The following EYA1 variants were observed in gnomAD, a reference collection of about 807,000 sequenced individuals.
EYA1 encodes EYA transcriptional coactivator and phosphatase 1, also known as protein phosphatase EYA1.
In EYA1, 16 loss-of-function variants were observed where a neutral mutation model predicts 82.0. That is an observed-to-expected ratio of 0.20 (90% CI 0.13 to 0.30). The LOEUF is 0.30. Ranked by LOEUF, EYA1 falls within the 10% of genes least tolerant of loss-of-function variation. EYA1 has a pLI of 1.00. For missense variants in EYA1, 633 were observed against 730.7 expected (o/e 0.87, Z 1.54); for synonymous variants, 261 against 264.4 (o/e 0.99, Z 0.12).
At chr8:71,492,672 A>G (rs1811107425) in intron 2 of EYA1, among the ~76,000 whole-genome samples, 1 of 152,000 alleles carries the variant, frequency 6.6e-6, no homozygotes, top group African/African-American at 2.4e-5. Flanking sequence ...TCACTGTGTT[A>G]GCCAGGATGG....
intron 12 of EYA1, among the ~76,000 whole-genome samples, chr8:71,229,908 T>G (rs1432072982): frequency 6.6e-6 from 1 of 152,182 alleles, no homozygotes; most frequent in Non-Finnish European, 1.5e-5. Context: ...TAAAATAATG[T>G]TGATCAAAAG....
chr8:71,442,872 T>C (rs1157546424), intron 2 of EYA1, among the ~76,000 whole-genome samples: 1 of 152,228 alleles, frequency 6.6e-6, no homozygotes, highest in Non-Finnish European at 1.5e-5. Flanking sequence ...TTATCTCTGA[T>C]ATACTTTTCT....
chr8:71,215,805 A>G, intron 14 of EYA1, 77 bp from the exon 15 acceptor site: 4 of 931,534 alleles, frequency 4.3e-6, no homozygotes, highest in Non-Finnish European at 6.9e-6. Context: ...TTAACATTTA[A>G]AAAGTACTAT....
rs9298167 is a variant in EYA1 at position 71,277,115 on chromosome 8, ATTTTTTTTTTTTTTTT to A, written c.827-5234_827-5219del. On this transcript the variant is annotated intron_variant, in intron 9 of 17. Coordinates refer to ENST00000340726, the MANE Select transcript of EYA1 (RefSeq NM_000503.6). ...GCCATGCTATTTCATGGCTTCACAC[ATTTTTTTTTTTTTTTT>A]TTTTTTTTTTTTTTTTTAGTTTTTA... Among the ~76,000 whole-genome samples, 764 of 76,974 alleles carry A rather than the reference ATTTTTTTTTTTTTTTT, an allele frequency of 9.9e-3. 5 individuals carry two copies. Among genetic ancestry groups the A allele is most frequent in the Non-Finnish European group, 0.013 (553 of 43,452 alleles). The allele number at this position is 76,974 out of a possible 152,430, so 50.5% of individuals were successfully genotyped here.
At chr8:71,536,074 G>C (rs1205420880) in intron 1 of EYA1, among the ~76,000 whole-genome samples, 4 of 152,226 alleles carry the variant, frequency 2.6e-5, no homozygotes, top group Admixed American at 1.3e-4. Context: ...GCTGTCAGCA[G>C]CTGCAGCCCA....
At chr8:71,484,068 G>T (rs1489532157) in intron 2 of EYA1, among the ~76,000 whole-genome samples, 3 of 152,188 alleles carry the variant, frequency 2.0e-5, no homozygotes, top group Non-Finnish European at 2.9e-5. Context: ...GGAGCCAGGG[G>T]CTGGTTGACC....
chr8:71,409,705 C>T (rs1830473884), intron 2 of EYA1, among the ~76,000 whole-genome samples: 1 of 87,384 alleles, frequency 1.1e-5, no homozygotes, highest in African/African-American at 5.0e-5. Context: ...AGACCAATAA[C>T]AGGAGCTGAA....
chr8:71,262,466 G>C (rs554182035), intron 11 of EYA1, among the ~76,000 whole-genome samples: 1 of 152,224 alleles, frequency 6.6e-6, no homozygotes, highest in South Asian at 2.1e-4. Context: ...TGTTCATGAA[G>C]TACTTATGAG....
At chr8:71,461,407 C>T (rs372586501) in intron 2 of EYA1, among the ~76,000 whole-genome samples, 2 of 152,238 alleles carry the variant, frequency 1.3e-5, no homozygotes, top group East Asian at 1.9e-4. Context: ...CTCTGTGAGG[C>T]TGTGGCTGGA....
intron 8 of EYA1, 110 bp downstream of exon 8, chr8:71,299,528 A>G (rs1819964116): frequency 1.3e-6 from 1 of 781,052 alleles, no homozygotes; most frequent in Admixed American, 2.0e-5. Flanking sequence ...AAAGAAAACT[A>G]CTAAAAGCCT....
At chr8:71,325,423 T>C (rs1823041851) in intron 4 of EYA1, among the ~76,000 whole-genome samples, 3 of 152,224 alleles carry the variant, frequency 2.0e-5, no homozygotes. Flanking sequence ...CTCTGCTAAC[T>C]ATGGGCTTCT....
At chr8:71,493,200 T>C (rs1418030191) in intron 2 of EYA1, among the ~76,000 whole-genome samples, 14 of 152,240 alleles carry the variant, frequency 9.2e-5, no homozygotes, top group Admixed American at 9.2e-4. Flanking sequence ...GTCTTGGCTA[T>C]CATGAATAGT....
chr8:71,221,923 G>A (rs552306569), intron 12 of EYA1, among the ~76,000 whole-genome samples: 1 of 152,208 alleles, frequency 6.6e-6, no homozygotes, highest in Non-Finnish European at 1.5e-5. Flanking sequence ...CAGTTCCCAA[G>A]GGTAAGGGGG....
chr8:71,543,997 G>GT (rs1815356045), intron 1 of EYA1, among the ~76,000 whole-genome samples: 1 of 152,162 alleles, frequency 6.6e-6, no homozygotes, highest in Admixed American at 6.5e-5. Context: ...CTTGACCAGA[G>GT]TAAGGATTGC....
At chr8:71,412,488 T>C (rs930985957) in intron 2 of EYA1, among the ~76,000 whole-genome samples, 1 of 152,172 alleles carries the variant, frequency 6.6e-6, no homozygotes, top group African/African-American at 2.4e-5. Flanking sequence ...ACTGCATATG[T>C]TTAAGTGACC....
chr8:71,214,741 A>G (rs555945109), intron 16 of EYA1, among the ~76,000 whole-genome samples: 74 of 152,352 alleles, frequency 4.9e-4, no homozygotes, highest in African/African-American at 1.4e-3. Flanking sequence ...CATCTAGTAG[A>G]CAACTAAAAA....
intron 2 of EYA1, among the ~76,000 whole-genome samples, chr8:71,414,185 G>A (rs1259613408): frequency 6.6e-6 from 1 of 152,204 alleles, no homozygotes; most frequent in East Asian, 1.9e-4. Context: ...GTCCCAGAAA[G>A]GGTGTGACCT....
In EYA1 at chr8:71,361,738, G is replaced by C; in HGVS notation, c.-146C>G. On this transcript the variant is annotated 5_prime_UTR_variant, in exon 1 of 18. Coordinates refer to ENST00000340726, the MANE Select transcript of EYA1 (RefSeq NM_000503.6). ...CCATTCCTGACATAGTTTTGCTCCT[G>C]GATGGGTACGCGCGGGGGCTCTCAG... 5 of 985,496 alleles carry C rather than the reference G, an allele frequency of 5.1e-6. No homozygotes were observed. The highest frequency in any genetic ancestry group is 4.8e-6 in the Non-Finnish European group (4 of 829,988). The allele number at this position is 985,496 out of a possible 1,614,324, so 61.0% of individuals were successfully genotyped here. A position where few individuals can be genotyped will look rare whatever the true frequency, so the allele number is the denominator to read the frequency against.
intron 2 of EYA1, among the ~76,000 whole-genome samples, chr8:71,433,711 C>G (rs1329282192): frequency 6.6e-6 from 1 of 152,148 alleles, no homozygotes; most frequent in African/African-American, 2.4e-5. Context: ...GAGAGGCCAA[C>G]CTGTCTGAAT....
Sources: gnomAD v4.1 joint callset for allele counts (sites outside exome capture counted in the v4.1 genomes callset) on GRCh38, gnomAD v4.1.1 for gene constraint, MANE v1.5 for transcripts, NCBI Gene and HGNC (gene_info 2026-07-23, HGNC 2026-07-21) for gene names.